The following TACR3 variants were observed in gnomAD, a reference collection of about 807,000 sequenced individuals.
The protein encoded by TACR3 is neuromedin-K receptor.
In TACR3, 34 loss-of-function variants were observed where a neutral mutation model predicts 35.0. That is an observed-to-expected ratio of 0.97 (90% CI 0.74 to 1.30). TACR3 has a LOEUF of 1.30. Among genes scored for constraint, TACR3 ranks in the 50% most tolerant of loss-of-function variants. The probability of loss-of-function intolerance (pLI) is 0.00; values close to 1 mark genes in which losing one functional copy is unlikely to be tolerated. For synonymous variants in TACR3, 233 were observed against 221.1 expected, an observed-to-expected ratio of 1.05 and a Z score of -0.48; for missense variants, 558 against 591.7, an observed-to-expected ratio of 0.94 and a Z score of 0.59.
chr4:103,654,132 A>G (rs904112620), intron 3 of TACR3, among the ~76,000 whole-genome samples: 8 of 151,332 alleles, frequency 5.3e-5, no homozygotes, highest in African/African-American at 1.7e-4. Context: ...TGTGGAAGTC[A>G]GTGTGGCGAT....
intron 1 of TACR3, among the ~76,000 whole-genome samples, chr4:103,694,529 G>A (rs1371100688): frequency 1.3e-5 from 2 of 152,026 alleles, no homozygotes; most frequent in African/African-American, 4.8e-5. Context: ...CCAACCTAAA[G>A]TTTGAAATGG....
At chr4:103,599,850 G>C (rs10129723) in intron 3 of TACR3, among the ~76,000 whole-genome samples, 1 of 152,022 alleles carries the variant, frequency 6.6e-6, no homozygotes, top group East Asian at 1.9e-4. Flanking sequence ...TGCTGGATTC[G>C]GTTTGCCAGT....
At chr4:103,665,147 A>C (rs1393971411) in intron 1 of TACR3, among the ~76,000 whole-genome samples, 2 of 151,972 alleles carry the variant, frequency 1.3e-5, no homozygotes, top group African/African-American at 4.8e-5. Flanking sequence ...GAATAAATGA[A>C]TCATTTAGAT....
At chr4:103,627,021 A>T (rs115136688) in intron 3 of TACR3, among the ~76,000 whole-genome samples, 24 of 129,162 alleles carry the variant, frequency 1.9e-4, no homozygotes, top group African/African-American at 8.9e-4. Context: ...AAAAATAAAT[A>T]AAAAAAAAAA....
At position 103,647,812 on chromosome 4, in the gene TACR3, T is replaced by G. The variant is rs182371578; in HGVS notation, c.888+8382A>C. Among the ~76,000 whole-genome samples, 43 of 148,928 alleles carry G rather than the reference T, an allele frequency of 2.9e-4. No individual in the cohort carries two copies. In the East Asian group the frequency reaches 7.7e-3, roughly 27 times the overall value. On this transcript the variant is annotated intron_variant, in intron 3 of 4. Coordinates refer to ENST00000304883, the MANE Select transcript of TACR3 (RefSeq NM_001059.3). Reference sequence around the variant, plus strand: ...TTTACCTAGTGCTAGTTAATACCAGTGTTGTTATTTTTAAACTATTGCTAC... The same window carrying G: ...TTTACCTAGTGCTAGTTAATACCAGGGTTGTTATTTTTAAACTATTGCTAC...
chr4:103,719,129 T>C lies in TACR3; in HGVS notation c.547A>G (p.Arg183Gly). Reference sequence around the variant, plus strand: ...CCTCTCTGTCTGTCCTCTCCTCACCTGTCCACCGCAATGGCCGTCATGGAG... The same window carrying C: ...CCTCTCTGTCTGTCCTCTCCTCACCCGTCCACCGCAATGGCCGTCATGGAG... ...IYSMTAIAVD[R>G]YMAIIDPLKP... The change falls in exon 1 of 5, where the codon AGG becomes GGG. Residue 183 changes from arginine to glycine, a missense_variant and splice_region_variant. Coordinates refer to ENST00000304883, the MANE Select transcript of TACR3 (RefSeq NM_001059.3). The C allele has an allele frequency of 6.2e-7, 1 of 1,614,166 alleles. No individual in the cohort carries two copies.
chr4:103,638,350 T>C (rs1725248301), intron 3 of TACR3, among the ~76,000 whole-genome samples: 3 of 152,012 alleles, frequency 2.0e-5, no homozygotes, highest in African/African-American at 7.3e-5. Flanking sequence ...AAGGATTCCC[T>C]ATTTAATCAA....
At chr4:103,606,839 C>G (rs1380699266) in intron 3 of TACR3, among the ~76,000 whole-genome samples, 1 of 152,170 alleles carries the variant, frequency 6.6e-6, no homozygotes, top group Non-Finnish European at 1.5e-5. Flanking sequence ...ATTGCCCTGT[C>G]CAGAACTTCC....
chr4:103,703,720 T>A (rs891661411), intron 1 of TACR3, among the ~76,000 whole-genome samples: 2 of 152,112 alleles, frequency 1.3e-5, no homozygotes, highest in African/African-American at 4.8e-5. Flanking sequence ...TATGCACAAT[T>A]TCTCATGCTG....
At chr4:103,674,767 G>A (rs1726130186) in intron 1 of TACR3, among the ~76,000 whole-genome samples, 2 of 152,114 alleles carry the variant, frequency 1.3e-5, no homozygotes. Flanking sequence ...GGCCAGAATG[G>A]TCTTGATCTC....
At chr4:103,694,632 C>T (rs936111511) in intron 1 of TACR3, among the ~76,000 whole-genome samples, 4 of 152,120 alleles carry the variant, frequency 2.6e-5, no homozygotes, top group African/African-American at 9.7e-5. Flanking sequence ...TGTTTACCAG[C>T]TTTATACATA....
At chr4:103,601,142 T>C (rs1724189809) in intron 3 of TACR3, among the ~76,000 whole-genome samples, 1 of 152,200 alleles carries the variant, frequency 6.6e-6, no homozygotes, top group Non-Finnish European at 1.5e-5. Context: ...TGGGTGCTCC[T>C]GTATTGGGTG....
intron 1 of TACR3, among the ~76,000 whole-genome samples, chr4:103,693,828 G>A (rs1240853182): frequency 4.6e-5 from 7 of 151,984 alleles, no homozygotes; most frequent in Non-Finnish European, 8.8e-5. Context: ...CAGGTAAAAT[G>A]AAGACCTTAA....
At position 103,652,329 on chromosome 4, in the gene TACR3, C is replaced by T. The variant is rs576333825; in HGVS notation, c.888+3865G>A. Among the ~76,000 whole-genome samples the T allele has an allele frequency of 1.1e-4, 17 of 152,232 alleles. No homozygotes were observed. In the East Asian group the frequency reaches 3.3e-3, roughly 30 times the overall value. On this transcript the variant is annotated intron_variant, in intron 3 of 4. Transcript: ENST00000304883. ...ATTAAATATTCCCTCTATGCACAGGCATCAGCTAGATTTGGATCAGTTTTG... is the reference window on the plus strand; with the variant it reads ...ATTAAATATTCCCTCTATGCACAGGTATCAGCTAGATTTGGATCAGTTTTG...
rs1723157430 is a variant in TACR3, at chr4:103,719,325, C to A, written c.351G>T (p.Arg117Ser). 1.2e-6 allele frequency: 2 copies of A among 1,614,246 alleles called. No individual in the cohort carries two copies. Among genetic ancestry groups the A allele is most frequent in the East Asian group, 4.5e-5 (2 of 44,882 alleles). Residue 117 changes from arginine to serine, a missense_variant, in exon 1 of 5, where the codon AGG becomes AGT. Coordinates refer to ENST00000304883, the MANE Select transcript of TACR3 (RefSeq NM_001059.3). ...TCACAAGGAAGTAGTTGGTGACAGT[C>A]CTCATGCGCTTGTGGGCCAGGATGA... is the stretch of plus-strand genomic sequence containing the variant. Reference protein sequence around the residue: ...IWIILAHKRMRTVTNYFLVNL... With the variant: ...IWIILAHKRMSTVTNYFLVNL...
At chr4:103,703,012 T>G (rs1178738487) in intron 1 of TACR3, among the ~76,000 whole-genome samples, 1 of 151,780 alleles carries the variant, frequency 6.6e-6, no homozygotes, top group Non-Finnish European at 1.5e-5. Context: ...GTAACAAACC[T>G]GCGCGTTGTG....
At position 103,627,200 on chromosome 4, in the gene TACR3, A is replaced by G. The variant is rs558706080; in HGVS notation, c.888+28994T>C. On this transcript the variant is annotated intron_variant, in intron 3 of 4. Coordinates refer to ENST00000304883, the MANE Select transcript of TACR3 (RefSeq NM_001059.3). ...CCGTCTCAAAAAAAAAAAAAAAAAA[A>G]AAAAAAAAAAGTCTAGGTATTAAAG... 2.7e-3 allele frequency among the ~76,000 whole-genome samples: 397 copies of G among 147,328 alleles called. 5 individuals carry two copies. The highest frequency in any genetic ancestry group is 9.7e-3 in the African/African-American group (385 of 39,784).
intron 3 of TACR3, among the ~76,000 whole-genome samples, chr4:103,609,316 C>T (rs1222216474): frequency 1.3e-5 from 2 of 151,774 alleles, no homozygotes; most frequent in Non-Finnish European, 2.9e-5. Flanking sequence ...TTATTTACAC[C>T]CTAAAGCAAA....
chr4:103,643,926 T>C (rs527729067), intron 3 of TACR3, among the ~76,000 whole-genome samples: 86 of 151,886 alleles, frequency 5.7e-4, no homozygotes, highest in Non-Finnish European at 1.1e-3. Context: ...TTTCAGATGA[T>C]TGCCAAACAC....
Sources: gnomAD v4.1 joint callset for allele counts (sites outside exome capture counted in the v4.1 genomes callset) on GRCh38, gnomAD v4.1.1 for gene constraint, MANE v1.5 for transcripts, NCBI Gene and HGNC (gene_info 2026-07-23, HGNC 2026-07-21) for gene names.